ASTN2: variants seen among roughly 807,000 people sequenced by gnomAD.
ASTN2 encodes the protein astrotactin-2.
ASTN2 carries 54 observed loss-of-function variants against 139.8 expected under a neutral mutation model. The observed-to-expected ratio is 0.39, with a 90% confidence interval of 0.31 to 0.48. The LOEUF (loss-of-function observed/expected upper bound fraction) is 0.48. Ranked by LOEUF, ASTN2 falls within the 20% of genes least tolerant of loss-of-function variation. The probability of loss-of-function intolerance (pLI) is 0.95; values close to 1 mark genes in which losing one functional copy is unlikely to be tolerated. For synonymous variants in ASTN2, 756 were observed against 719.5 expected (o/e 1.05, Z -0.81); for missense variants, 1,565 against 1,725.1 (o/e 0.91, Z 1.64).
At chr9:116,486,232 A>G (rs1849333921) in intron 20 of ASTN2, among the ~76,000 whole-genome samples, 1 of 152,262 alleles carries the variant, frequency 6.6e-6, no homozygotes, top group Non-Finnish European at 1.5e-5. Context: ...TCTTAGTCTC[A>G]TTCATATCCA....
chr9:117,346,437 T>G (rs1829219790), intron 1 of ASTN2, among the ~76,000 whole-genome samples: 1 of 152,144 alleles, frequency 6.6e-6, no homozygotes, highest in Admixed American at 6.6e-5. Flanking sequence ...AACTTGACCA[T>G]GCATTTAGAT....
chr9:116,776,388 C>T lies in ASTN2; in HGVS notation c.2396+29244G>A, dbSNP rs542615688. ...TTTTAGGTTAATTAGTCCCATTTTA[C>T]AGATGTAAAAAAGCAAGGCTCAGAG... On this transcript the variant is annotated intron_variant, in intron 13 of 22. Transcript: ENST00000313400. Among the ~76,000 whole-genome samples the T allele has an allele frequency of 2.0e-5, 3 of 152,270 alleles. No homozygotes were observed. In the East Asian group the frequency reaches 5.8e-4, roughly 29 times the overall value.
rs576563756 is a variant in ASTN2 at position 116,634,263 on chromosome 9, T to G, written c.3073-13820A>C. On this transcript the variant is annotated intron_variant, in intron 17 of 22. Transcript: ENST00000313400. ...AACAAATATTGACTAGGTCCTGAAC[T>G]TGGGTATTCTCTAGATGAAAGAAAG... 2.0e-5 allele frequency among the ~76,000 whole-genome samples: 3 copies of G among 152,208 alleles called. No homozygotes were observed. In the East Asian group the frequency reaches 5.8e-4, roughly 29 times the overall value.
intron 17 of ASTN2, among the ~76,000 whole-genome samples, chr9:116,647,069 ATT>A (rs1857627582): frequency 6.6e-6 from 1 of 152,082 alleles, no homozygotes; most frequent in Non-Finnish European, 1.5e-5. Flanking sequence ...TTCCATATTC[ATT>A]TTATGCACTT....
At position 116,517,309 on chromosome 9, in the gene ASTN2, C is replaced by T. The variant is rs546340534; in HGVS notation, c.3356-29809G>A. ...GAGCAGGTGGTGGTATCCATGGCTGCCAAGACCTGAAGACAGATAACATTA... is the reference window on the plus strand; with the variant it reads ...GAGCAGGTGGTGGTATCCATGGCTGTCAAGACCTGAAGACAGATAACATTA... On this transcript the variant is annotated intron_variant, in intron 19 of 22. Coordinates refer to ENST00000313400, the MANE Select transcript of ASTN2 (RefSeq NM_001365068.1). Among the ~76,000 whole-genome samples the T allele has an allele frequency of 2.6e-5, 4 of 152,330 alleles. No homozygotes were observed. The South Asian group carries it at 8.3e-4, about 32-fold the overall frequency.
intron 1 of ASTN2, among the ~76,000 whole-genome samples, chr9:117,339,707 A>G (rs1290559292): frequency 6.6e-6 from 1 of 152,026 alleles, no homozygotes; most frequent in Non-Finnish European, 1.5e-5. Context: ...ATACATTAAT[A>G]TTGAGTTCAT....
At chr9:117,312,889 C>A (rs571664756) in intron 1 of ASTN2, among the ~76,000 whole-genome samples, 7 of 152,188 alleles carry the variant, frequency 4.6e-5, no homozygotes, top group South Asian at 4.1e-4. Flanking sequence ...GTAAAAAAAA[C>A]CCATGGAAAA....
chr9:117,403,876 G>A (rs905347046), intron 1 of ASTN2, among the ~76,000 whole-genome samples: 1 of 152,142 alleles, frequency 6.6e-6, no homozygotes, highest in African/African-American at 2.4e-5. Context: ...AAGAGAATGA[G>A]CAGACATCAA....
At chr9:117,371,036 A>ACAGTCC (rs1259029189) in intron 1 of ASTN2, among the ~76,000 whole-genome samples, 1 of 151,980 alleles carries the variant, frequency 6.6e-6, no homozygotes, top group Non-Finnish European at 1.5e-5. Flanking sequence ...AATACCCCCA[A>ACAGTCC]CAGTCCCAAA....
rs116136510 is a variant in ASTN2, at chr9:116,959,888, C to T, written c.1889+15320G>A. Among the ~76,000 whole-genome samples the T allele has an allele frequency of 5.4e-3, 816 of 152,192 alleles. 10 individuals are homozygous for T. Among genetic ancestry groups the T allele is most frequent in the African/African-American group, 0.019 (789 of 41,522 alleles). Reference sequence around the variant, plus strand: ...CGGAGAATACATCCTTTCTCCAGAACACTTGCCTCTCCATCAGGGCCACGC... The same window carrying T: ...CGGAGAATACATCCTTTCTCCAGAATACTTGCCTCTCCATCAGGGCCACGC... On this transcript the variant is annotated intron_variant, in intron 10 of 22. Transcript: ENST00000313400.
chr9:116,511,922 C>G (rs1291468522), intron 19 of ASTN2, among the ~76,000 whole-genome samples: 1 of 152,026 alleles, frequency 6.6e-6, no homozygotes, highest in African/African-American at 2.4e-5. Context: ...TGCTAGTGGT[C>G]TATCAATTTT....
chr9:116,827,447 A>C (rs899324796), intron 11 of ASTN2, among the ~76,000 whole-genome samples: 5 of 152,146 alleles, frequency 3.3e-5, no homozygotes, highest in African/African-American at 1.2e-4. Flanking sequence ...AGGATCAATG[A>C]AATGAAAAAA....
At chr9:117,366,932 A>C (rs1829860762) in intron 1 of ASTN2, among the ~76,000 whole-genome samples, 1 of 151,694 alleles carries the variant, frequency 6.6e-6, no homozygotes, top group African/African-American at 2.4e-5. Context: ...ACACCACTAC[A>C]CTCAGCTAAT....
At chr9:116,675,435 T>C (rs1859446711) in intron 16 of ASTN2, among the ~76,000 whole-genome samples, 2 of 152,104 alleles carry the variant, frequency 1.3e-5, no homozygotes, top group African/African-American at 4.8e-5. Flanking sequence ...TGTGTCTGCA[T>C]CTGTAGCCCC....
chr9:117,386,744 T>G (rs1016085092), intron 1 of ASTN2, among the ~76,000 whole-genome samples: 9 of 152,120 alleles, frequency 5.9e-5, no homozygotes, highest in African/African-American at 2.2e-4. Flanking sequence ...CCTCAGCCCC[T>G]TGGGTGTCAC....
In ASTN2 at chr9:117,355,493, G is replaced by T. The variant is rs758278406; in HGVS notation, c.442+59004C>A. 3.7e-4 allele frequency among the ~76,000 whole-genome samples: 56 copies of T among 152,116 alleles called. 1 individual carries two copies. Among genetic ancestry groups the T allele is most frequent in the Non-Finnish European group, 7.1e-4 (48 of 68,034 alleles). ...GCAATGGAGTGCAGAGAGAGGACATGGCTCGCCACATGTAATGTACTGAGC... is the reference window on the plus strand; with the variant it reads ...GCAATGGAGTGCAGAGAGAGGACATTGCTCGCCACATGTAATGTACTGAGC... On this transcript the variant is annotated intron_variant, in intron 1 of 22. Coordinates refer to ENST00000313400, the MANE Select transcript of ASTN2 (RefSeq NM_001365068.1).
intron 13 of ASTN2, among the ~76,000 whole-genome samples, chr9:116,775,032 G>T (rs1830044671): frequency 6.6e-6 from 1 of 152,162 alleles, no homozygotes; most frequent in Non-Finnish European, 1.5e-5. Flanking sequence ...CATTACTGCA[G>T]CCACTGTGGC....
At chr9:117,070,148 C>T (rs970232903) in intron 5 of ASTN2, among the ~76,000 whole-genome samples, 3 of 136,046 alleles carry the variant, frequency 2.2e-5, no homozygotes, top group African/African-American at 5.6e-5. Flanking sequence ...CGGCTGGTAC[C>T]GGTTGTTCCT....
intron 3 of ASTN2, among the ~76,000 whole-genome samples, chr9:117,185,870 GA>G (rs1831183522): frequency 6.6e-6 from 1 of 152,182 alleles, no homozygotes; most frequent in Non-Finnish European, 1.5e-5. Context: ...ACTTGAGGCA[GA>G]ATCAATGAGC....
Sources: allele counts gnomAD v4.1 joint callset (sites outside exome capture counted in the v4.1 genomes callset), GRCh38; gene constraint gnomAD v4.1.1; transcripts MANE v1.5; gene names NCBI Gene and HGNC (gene_info 2026-07-23, HGNC 2026-07-21).